COL5A1: variants seen among roughly 807,000 people sequenced by gnomAD.
COL5A1 encodes collagen alpha-1(V) chain.
A neutral mutation model predicts 263.7 loss-of-function variants in COL5A1; 16 were observed. The observed-to-expected ratio is 0.06, with a 90% CI of 0.04 to 0.09. The LOEUF is 0.09. COL5A1 is among the 10% of genes least tolerant of loss of function. The pLI, the probability that COL5A1 is intolerant of heterozygous loss-of-function variation, is 1.00. For synonymous variants in COL5A1, 1,012 were observed against 1,004.5 expected (o/e 1.01, Z -0.14); for missense variants, 2,036 against 2,540.5 (o/e 0.80, Z 4.27).
intron 26 of COL5A1, among the ~76,000 whole-genome samples, chr9:134,774,308 G>A (rs1207079095): frequency 6.6e-6 from 1 of 152,214 alleles, no homozygotes; most frequent in Non-Finnish European, 1.5e-5. Flanking sequence ...GTGGAAAGGG[G>A]GCTGGGAGGG....
intron 4 of COL5A1, among the ~76,000 whole-genome samples, chr9:134,708,271 C>T (rs1159342731): frequency 2.6e-5 from 4 of 152,150 alleles, no homozygotes; most frequent in African/African-American, 9.7e-5. Context: ...CTCTGTGCCT[C>T]CATCACTGGC....
chr9:134,771,217 G>A (rs1382878390), intron 25 of COL5A1, among the ~76,000 whole-genome samples: 1 of 152,264 alleles, frequency 6.6e-6, no homozygotes, highest in Non-Finnish European at 1.5e-5. Flanking sequence ...CGGCCCCCCT[G>A]CAGATCCACC....
At chr9:134,722,041 TGTAG>T (rs1834482736) in intron 4 of COL5A1, among the ~76,000 whole-genome samples, 2 of 152,238 alleles carry the variant, frequency 1.3e-5, no homozygotes, top group Admixed American at 1.3e-4. Flanking sequence ...ACGGGGGTGG[TGTAG>T]GGCCTGGCAG....
At chr9:134,840,982 C>G (rs555447599) in intron 65 of COL5A1, among the ~76,000 whole-genome samples, 1 of 152,340 alleles carries the variant, frequency 6.6e-6, no homozygotes, top group Non-Finnish European at 1.5e-5. Flanking sequence ...AGCAGAATAC[C>G]GGGAGAGCTG....
rs139828189 is a variant in COL5A1 at position 134,819,698 on chromosome 9, A to G, written c.4447-418A>G. Among the ~76,000 whole-genome samples the G allele has an allele frequency of 5.5e-3, 842 of 152,342 alleles. 7 individuals are homozygous for G. The highest frequency in any genetic ancestry group is 0.019 in the African/African-American group (797 of 41,582). On this transcript the variant is annotated intron_variant, in intron 57 of 65. Coordinates refer to ENST00000371817, the MANE Select transcript of COL5A1 (RefSeq NM_000093.5). ...TCTTCTTTTTTTAGAAAAACAACCC[A>G]TGATTGTAATATCTATAATACTCTG...
intron 62 of COL5A1, among the ~76,000 whole-genome samples, chr9:134,825,249 T>C (rs1345761865): frequency 6.6e-6 from 1 of 152,174 alleles, no homozygotes; most frequent in East Asian, 1.9e-4. Flanking sequence ...TAAGGGTCAG[T>C]GTTAGGACCG....
chr9:134,830,193 G>A (rs1421044846), intron 64 of COL5A1, 149 bp downstream of exon 64: 29 of 1,602,492 alleles, frequency 1.8e-5, no homozygotes, highest in South Asian at 1.7e-4. Flanking sequence ...GGCCACCTCG[G>A]CCCGGCCACC....
At chr9:134,825,644 A>C in intron 62 of COL5A1, 148 bp from the exon 63 acceptor site, 1 of 614,404 alleles carries the variant, frequency 1.6e-6, no homozygotes, top group South Asian at 1.5e-5. Flanking sequence ...AAAATGCAAT[A>C]AAGTAAACCC....
chr9:134,752,114 G>A (rs59222911), intron 13 of COL5A1, among the ~76,000 whole-genome samples: 8,221 of 152,304 alleles, frequency 0.054, 286 homozygotes, highest in African/African-American at 0.099. Flanking sequence ...GGGCAGGTGG[G>A]TTCCTACCCT....
chr9:134,748,070 C>A (rs541947478), intron 11 of COL5A1, among the ~76,000 whole-genome samples: 187 of 151,780 alleles, frequency 1.2e-3, no homozygotes, highest in African/African-American at 4.1e-3. Flanking sequence ...CACATGCACA[C>A]ACCCACAAAC....
chr9:134,729,940 A>G (rs2132638339), intron 6 of COL5A1, among the ~76,000 whole-genome samples: 1 of 152,320 alleles, frequency 6.6e-6, no homozygotes, highest in Non-Finnish European at 1.5e-5. Context: ...TGTTTTTTAA[A>G]TACTGAGATA....
chr9:134,703,843 G>T (rs1275051884), intron 4 of COL5A1, among the ~76,000 whole-genome samples: 2 of 151,860 alleles, frequency 1.3e-5, no homozygotes, highest in African/African-American at 2.4e-5. Flanking sequence ...GTTTCACTGT[G>T]TTAGCCAGGA....
intron 18 of COL5A1, among the ~76,000 whole-genome samples, chr9:134,760,440 CA>C (rs1335239780): frequency 3.3e-5 from 4 of 121,538 alleles, no homozygotes; most frequent in Non-Finnish European, 6.6e-5. Flanking sequence ...CACATGCACA[CA>C]CATGCATACA....
intron 1 of COL5A1, among the ~76,000 whole-genome samples, chr9:134,675,755 C>G (rs2132520981): frequency 6.6e-6 from 1 of 152,266 alleles, no homozygotes; most frequent in Admixed American, 6.5e-5. Context: ...GGCTGAGGGC[C>G]TGGGGTTCTC....
Position 134,834,959 on chromosome 9 carries a change from C to T in COL5A1, c.5137-12C>T, listed in dbSNP as rs191758714. ...CCCACCCTGCTGAGCCCCAACACCC[C>T]TGTCCCCCCAGCTCTCCTATGTGGA... On this transcript the variant is annotated splice_polypyrimidine_tract_variant and intron_variant, in intron 64 of 65. Coordinates refer to ENST00000371817, the MANE Select transcript of COL5A1 (RefSeq NM_000093.5). The T allele has an allele frequency of 7.0e-3, 11,288 of 1,602,152 alleles. 63 individuals are homozygous for T. The highest frequency in any genetic ancestry group is 0.012 in the South Asian group (1,057 of 90,458).
rs202148912 is a variant in COL5A1, at chr9:134,759,633, C to T, written c.1935+1337C>T. Among the ~76,000 whole-genome samples the T allele has an allele frequency of 9.1e-3, 903 of 99,158 alleles. 76 individuals are homozygous for T. The highest frequency in any genetic ancestry group is 0.035 in the East Asian group (83 of 2,350). The allele number at this position is 99,158 out of a possible 152,430, so 65.1% of individuals were successfully genotyped here. On this transcript the variant is annotated intron_variant, in intron 18 of 65. Transcript: ENST00000371817. ...CCACACACATATGCACACATACACC[C>T]ATATTCATACACACATGCACACATA...
intron 58 of COL5A1, among the ~76,000 whole-genome samples, chr9:134,820,470 C>T (rs535186026): frequency 6.6e-6 from 1 of 152,180 alleles, no homozygotes; most frequent in Non-Finnish European, 1.5e-5. Flanking sequence ...TCCTCATGAC[C>T]GTGGTGTCCC....
At chr9:134,791,923 TG>T (rs1010987200) in intron 32 of COL5A1, among the ~76,000 whole-genome samples, 1 of 152,012 alleles carries the variant, frequency 6.6e-6, no homozygotes, top group Non-Finnish European at 1.5e-5. Flanking sequence ...AGAGGAGTGG[TG>T]GCTGTGATGA....
At chr9:134,650,035 G>A (rs994285423) in intron 1 of COL5A1, among the ~76,000 whole-genome samples, 1 of 151,812 alleles carries the variant, frequency 6.6e-6, no homozygotes, top group African/African-American at 2.4e-5. Context: ...GGGCCTGTTG[G>A]GGGGTGGGGG....
Sources: allele counts gnomAD v4.1 joint callset (sites outside exome capture counted in the v4.1 genomes callset), GRCh38; gene constraint gnomAD v4.1.1; transcripts MANE v1.5; gene names NCBI Gene and HGNC (gene_info 2026-07-23, HGNC 2026-07-21).